The following XKR7 variants were observed in gnomAD, a reference collection of about 807,000 sequenced individuals.
The protein encoded by XKR7 is XK related 7, also known as XK-related protein 7.
Under a neutral mutation model 42.2 loss-of-function variants are expected in XKR7, and 11 were observed. That is an observed-to-expected ratio of 0.26 (90% CI 0.16 to 0.43). The LOEUF is 0.43. Among genes scored for constraint, XKR7 ranks in the 20% least tolerant of loss-of-function variants. XKR7 has a pLI of 1.00. For synonymous variants in XKR7, 346 were observed against 366.4 expected (o/e 0.94, Z 0.64); for missense variants, 710 against 802.2 (o/e 0.89, Z 1.39).
At chr20:31,992,453 C>T (rs1453185587) in intron 1 of XKR7, among the ~76,000 whole-genome samples, 1 of 152,096 alleles carries the variant, frequency 6.6e-6, no homozygotes, top group Non-Finnish European at 1.5e-5. Flanking sequence ...TCCTGGGGAG[C>T]GTGTGAGCAG....
At chr20:31,985,687 G>A (rs1237571226) in intron 1 of XKR7, among the ~76,000 whole-genome samples, 2 of 146,506 alleles carry the variant, frequency 1.4e-5, no homozygotes, top group Non-Finnish European at 3.0e-5. Flanking sequence ...AGTGGACCCA[G>A]CATCCAAGAC....
In XKR7 at chr20:31,996,982, C is replaced by T. The variant is rs1568893941; in HGVS notation, c.1265C>T (p.Ala422Val). The T allele has an allele frequency of 6.2e-7, 1 of 1,614,162 alleles. No individual in the cohort carries two copies. Among genetic ancestry groups the T allele is most frequent in the South Asian group, 1.1e-5 (1 of 91,084 alleles). ...TCGCTCATCATGGTCTGCGTAGTGGCCTCCAGCTTTGCGCTGGGCATATTC... is the reference window on the plus strand; with the variant it reads ...TCGCTCATCATGGTCTGCGTAGTGGTCTCCAGCTTTGCGCTGGGCATATTC... ...FYSLIMVCVV[A>V]SSFALGIFFM... The change falls in exon 3 of 3, where the codon GCC (alanine) becomes GTC (valine). Residue 422 changes from alanine (A) to valine (V), a missense_variant. Ala to Val is a moderately conservative substitution (Grantham distance 64). Transcript: ENST00000562532.
At position 31,983,197 on chromosome 20, in the gene XKR7, G is replaced by A. The variant is rs55957599; in HGVS notation, c.585-11871G>A. ...ACAAATGACTGTACATTAACGATGTGCCAGGCACTGGGCATGTAGCAGAGG... is the reference window on the plus strand; with the variant it reads ...ACAAATGACTGTACATTAACGATGTACCAGGCACTGGGCATGTAGCAGAGG... On this transcript the variant is annotated intron_variant, in intron 1 of 2. Transcript: ENST00000562532. Among the ~76,000 whole-genome samples the A allele has an allele frequency of 7.9e-3, 1,200 of 152,330 alleles. 9 individuals carry two copies. The highest frequency in any genetic ancestry group is 0.013 in the Non-Finnish European group (894 of 68,036).
chr20:31,974,495 A>AT (rs1314455200), intron 1 of XKR7, among the ~76,000 whole-genome samples: 3 of 152,092 alleles, frequency 2.0e-5, no homozygotes, highest in Non-Finnish European at 2.9e-5. Flanking sequence ...CTGTGCCTTG[A>AT]TTTTCTCATC....
chr20:31,997,547 A>T lies in XKR7; in HGVS notation c.*90A>T, dbSNP rs1475027246. 7 of 1,228,476 alleles carry T rather than the reference A, an allele frequency of 5.7e-6. No homozygotes were observed. The African/African-American group carries it at 1.1e-4, about 19-fold the overall frequency. The allele number at this position is 1,228,476 out of a possible 1,614,324, so 76.1% of individuals were successfully genotyped here. A position where few individuals can be genotyped will look rare whatever the true frequency, so the allele number is the denominator to read the frequency against. On this transcript the variant is annotated 3_prime_UTR_variant, in exon 3 of 3. Transcript: ENST00000562532. ...CCCGAATTTCAGGGCCACCAGGCTA[A>T]GGGGGAGTGGATCTGTTGGTCCAAG...
At chr20:31,977,691 A>G (rs2064491724) in intron 1 of XKR7, among the ~76,000 whole-genome samples, 1 of 152,162 alleles carries the variant, frequency 6.6e-6, no homozygotes, top group Admixed American at 6.5e-5. Context: ...ACTCTCACCC[A>G]CTGACCCCCT....
intron 1 of XKR7, among the ~76,000 whole-genome samples, chr20:31,976,378 A>G (rs1032465127): frequency 6.6e-6 from 1 of 151,982 alleles, no homozygotes; most frequent in African/African-American, 2.4e-5. Context: ...TCAGAAAAGT[A>G]TTTTTATTTT....
rs2064622977 is a variant in XKR7, at chr20:32,001,115, C to A, written c.*3658C>A. On this transcript the variant is annotated 3_prime_UTR_variant, in exon 3 of 3. Transcript: ENST00000562532. ...ATCCAGGGAAGGTCTCGCTTGCAGT[C>A]AACACCCTCCTAAGTACTCGAGTTC... The A allele has an allele frequency of 6.6e-6, 1 of 152,236 alleles. No individual in the cohort carries two copies. The highest frequency in any genetic ancestry group is 2.4e-5 in the African/African-American group (1 of 41,442). The allele number at this position is 152,236 out of a possible 1,614,324, so 9.4% of individuals were successfully genotyped here.
At position 31,968,265 on chromosome 20, in the gene XKR7, C is replaced by G. The variant is rs1228138772; in HGVS notation, c.90C>G (p.Arg30=). 3.5e-6 allele frequency: 4 copies of G among 1,146,026 alleles called. No individual in the cohort carries two copies. In the Admixed American group the frequency reaches 1.9e-4, roughly 55 times the overall value. The allele number at this position is 1,146,026 out of a possible 1,614,324, so 71.0% of individuals were successfully genotyped here. A position where few individuals can be genotyped will look rare whatever the true frequency, so the allele number is the denominator to read the frequency against. Residue 30 remains arginine (R), a synonymous_variant, in exon 1 of 3, where the codon CGC becomes CGG. Coordinates refer to ENST00000562532, the MANE Select transcript of XKR7 (RefSeq NM_001011718.2). This position sits in a 1 kb window ranked among gnomAD's most constrained non-coding sequence, Gnocchi z 4.5. ...AGGARGSAGG[R]GEAAAAAGPP... is the part of the protein sequence containing the mutation. ...GAGCCCGGGGCAGTGCCGGCGGGCGCGGGGAGGCGGCGGCGGCGGCCGGGC... is the reference window on the plus strand; with the variant it reads ...GAGCCCGGGGCAGTGCCGGCGGGCGGGGGGAGGCGGCGGCGGCGGCCGGGC...
intron 1 of XKR7, among the ~76,000 whole-genome samples, chr20:31,986,648 C>T (rs2064542157): frequency 7.2e-6 from 1 of 139,464 alleles, no homozygotes; most frequent in South Asian, 2.3e-4. Flanking sequence ...AGACAGACCA[C>T]CAAACAGACC....
At chr20:31,970,738 G>A (rs1478934135) in intron 1 of XKR7, 1 of 152,112 alleles carries the variant, frequency 6.6e-6, no homozygotes, top group African/African-American at 2.4e-5. Context: ...CTTTCCCTTT[G>A]ATCATATCTG....
intron 1 of XKR7, among the ~76,000 whole-genome samples, chr20:31,984,474 T>A (rs1433045868): frequency 6.6e-6 from 1 of 152,166 alleles, no homozygotes. Flanking sequence ...ACATTAATGT[T>A]ATCAGAGTTG....
At chr20:31,988,016 C>T (rs2064550846) in intron 1 of XKR7, among the ~76,000 whole-genome samples, 1 of 152,136 alleles carries the variant, frequency 6.6e-6, no homozygotes, top group South Asian at 2.1e-4. Context: ...GGGACAGACA[C>T]AATAGACAGG....
At position 31,996,867 on chromosome 20, in the gene XKR7, A is replaced by G; in HGVS notation, c.1150A>G (p.Met384Val). The stretch of plus-strand genomic sequence containing the variant: ...CAAGGAGGGCCGCAGCCGCCGCCGC[A>G]TGACCCTCTACCACTGCATCGTCCT... ...NVKEGRSRRR[M>V]TLYHCIVLLE... is the part of the protein sequence containing the mutation. Residue 384 changes from methionine to valine, a missense_variant, in exon 3 of 3, where the codon ATG becomes GTG. Physicochemically the swap from Met to Val is conservative, Grantham distance 21. Around this residue, in one of 2 missense-constraint regions of XKR7, gnomAD observed 708 missense variants for 786.2 expected, o/e 0.90. Coordinates refer to ENST00000562532, the MANE Select transcript of XKR7 (RefSeq NM_001011718.2). The G allele has an allele frequency of 6.2e-7, 1 of 1,613,828 alleles. No individual in the cohort carries two copies. Among genetic ancestry groups the G allele is most frequent in the Non-Finnish European group, 8.5e-7 (1 of 1,180,016 alleles).
chr20:31,973,037 T>C (rs75447798), intron 1 of XKR7, among the ~76,000 whole-genome samples: 1,617 of 152,348 alleles, frequency 0.011, 21 homozygotes, highest in South Asian at 0.025. Context: ...TCTCATCCGT[T>C]GTAAACTAGG....
rs2064609514 is a variant in XKR7, at chr20:31,998,794, C to T, written c.*1337C>T. On this transcript the variant is annotated 3_prime_UTR_variant, in exon 3 of 3. Coordinates refer to ENST00000562532, the MANE Select transcript of XKR7 (RefSeq NM_001011718.2). ...TCTCAGCCACTCTGCAAATGGGGCT[C>T]CCTGGAGCGGCATCTGGGAAACTGA... 6.6e-6 allele frequency: 1 copy of T among 152,156 alleles called. No individual in the cohort carries two copies. The allele number at this position is 152,156 out of a possible 1,614,324, so 9.4% of individuals were successfully genotyped here.
chr20:31,993,588 T>C (rs1256410141), intron 1 of XKR7, among the ~76,000 whole-genome samples: 1 of 152,172 alleles, frequency 6.6e-6, no homozygotes, highest in African/African-American at 2.4e-5. Context: ...TTTCATTCAT[T>C]CAGCCCATAT....
At chr20:31,994,916 G>A in intron 1 of XKR7, 152 bp from the exon 2 acceptor site, 4 of 1,339,308 alleles carry the variant, frequency 3.0e-6, no homozygotes, top group Non-Finnish European at 4.0e-6. Flanking sequence ...GCCTCATAAG[G>A]TGATCCTTTC....
rs764020204 is a variant in XKR7, at chr20:31,997,242, C to G, written c.1525C>G (p.Pro509Ala). 1.1e-5 allele frequency: 18 copies of G among 1,611,772 alleles called. No homozygotes were observed. Among genetic ancestry groups the G allele is most frequent in the Non-Finnish European group, 1.5e-5 (18 of 1,179,902 alleles). ...CTTCCAGGTGCGGCCTGGCTTGCCT[C>G]CCACACCAGTGGCCCGCACCTTGCG... The part of the protein sequence containing the change: ...PVFQVRPGLP[P>A]TPVARTLRTE... Residue 509 changes from proline to alanine, a missense_variant, in exon 3 of 3, where the codon CCC becomes GCC. Physicochemically the swap from Pro to Ala is conservative, Grantham distance 27. Coordinates refer to ENST00000562532, the MANE Select transcript of XKR7 (RefSeq NM_001011718.2).
Sources: allele counts gnomAD v4.1 joint callset (sites outside exome capture counted in the v4.1 genomes callset), GRCh38; gene constraint gnomAD v4.1.1; regional missense constraint gnomAD v4.1.1; non-coding constraint Gnocchi (gnomAD v3.1); transcripts MANE v1.5; gene names NCBI Gene and HGNC (gene_info 2026-07-23, HGNC 2026-07-21).